Variants in ROBO2 observed in about 807,000 individuals in gnomAD.
ROBO2 encodes the protein roundabout guidance receptor 2.
ROBO2 carries 53 observed loss-of-function variants against 160.8 expected under a neutral mutation model. The observed-to-expected ratio is 0.33, with a 90% CI of 0.26 to 0.41. ROBO2 has a LOEUF of 0.41. ROBO2 is among the 10% of genes least tolerant of loss of function. ROBO2 has a pLI of 1.00. For missense variants in ROBO2, 1,577 were observed against 1,722.4 expected (o/e 0.92, Z 1.49); for synonymous variants, 664 against 611.7 (o/e 1.09, Z -1.26).
chr3:77,059,624 A>C (rs910592927), intron 1 of ROBO2, among the ~76,000 whole-genome samples: 2 of 152,102 alleles, frequency 1.3e-5, no homozygotes, highest in Non-Finnish European at 2.9e-5. Context: ...TTGATGTGGG[A>C]ATTTAAATTG....
At chr3:76,384,973 C>A (rs183152270) in intron 2 of ROBO2, among the ~76,000 whole-genome samples, 3 of 152,110 alleles carry the variant, frequency 2.0e-5, no homozygotes, top group Non-Finnish European at 4.4e-5. Context: ...TTATTTTGTC[C>A]GCAAAGTGTC....
rs950644255 is a variant in ROBO2, at chr3:76,695,919, A to AT, written c.110-402088dup. 7.2e-5 allele frequency among the ~76,000 whole-genome samples: 11 copies of AT among 152,144 alleles called. 1 individual carries two copies. The highest frequency in any genetic ancestry group is 1.6e-4 in the Non-Finnish European group (11 of 68,012). On this transcript the variant is annotated intron_variant, in intron 2 of 26. Coordinates refer to the ROBO2 transcript ENST00000487694. ...GCAGTAGTGCACATTTGATTTGATG[A>AT]TTTTTTTAAAAATACCTTCATGCTT...
chr3:76,567,374 C>T (rs201006333), intron 2 of ROBO2, among the ~76,000 whole-genome samples: 1 of 151,672 alleles, frequency 6.6e-6, no homozygotes, highest in Non-Finnish European at 1.5e-5. Flanking sequence ...CGTTTAATAC[C>T]CTGCCAGTGC....
intron 2 of ROBO2, among the ~76,000 whole-genome samples, chr3:77,462,277 C>T (rs913226571): frequency 3.9e-5 from 6 of 152,066 alleles, no homozygotes; most frequent in African/African-American, 4.8e-5. Flanking sequence ...AGGTTGTCAT[C>T]GAATTCGTCT....
intron 2 of ROBO2, among the ~76,000 whole-genome samples, chr3:76,222,191 G>A (rs564014656): frequency 1.3e-5 from 2 of 152,224 alleles, no homozygotes; most frequent in South Asian, 2.1e-4. Flanking sequence ...ACCAAAACAC[G>A]TTACCAGTGG....
intron 2 of ROBO2, among the ~76,000 whole-genome samples, chr3:76,698,564 C>T (rs914874885): frequency 6.6e-6 from 1 of 152,126 alleles, no homozygotes; most frequent in Non-Finnish European, 1.5e-5. Context: ...CTCCAGCACA[C>T]TTGGAGTAAT....
At chr3:75,919,089 GGA>G (rs1482017028) in intron 1 of ROBO2, among the ~76,000 whole-genome samples, 1 of 152,016 alleles carries the variant, frequency 6.6e-6, no homozygotes, top group Non-Finnish European at 1.5e-5. Flanking sequence ...GTAAGAGTGG[GGA>G]GAGAGGTCAT....
rs566349776 is a variant in ROBO2, at chr3:76,672,729, C to T, written c.110-425285C>T. Among the ~76,000 whole-genome samples, 13 of 152,164 alleles carry T rather than the reference C, an allele frequency of 8.5e-5. No individual in the cohort carries two copies. The South Asian group carries it at 1.9e-3, about 22-fold the overall frequency. On this transcript the variant is annotated intron_variant, in intron 2 of 26. Coordinates refer to the ROBO2 transcript ENST00000487694. ...CTTCAGTCACCAGTGTGCCCATCTCCGTGGCCATGAACAGTAAGCAGGTTA... is the reference window on the plus strand; with the variant it reads ...CTTCAGTCACCAGTGTGCCCATCTCTGTGGCCATGAACAGTAAGCAGGTTA...
chr3:76,458,039 A>G (rs1460553850), intron 2 of ROBO2, among the ~76,000 whole-genome samples: 2 of 152,052 alleles, frequency 1.3e-5, no homozygotes, highest in African/African-American at 4.8e-5. Flanking sequence ...GCCTGGAGAT[A>G]TTTTCACCAT....
intron 2 of ROBO2, among the ~76,000 whole-genome samples, chr3:77,380,642 C>CT (rs535184317): frequency 6.6e-6 from 1 of 151,846 alleles, no homozygotes; most frequent in Non-Finnish European, 1.5e-5. Context: ...AGTGCACCTT[C>CT]TTTTTTTCTC....
At chr3:76,451,272 A>G (rs1370371627) in intron 2 of ROBO2, among the ~76,000 whole-genome samples, 3 of 152,166 alleles carry the variant, frequency 2.0e-5, no homozygotes, top group Non-Finnish European at 4.4e-5. Flanking sequence ...AATGCTAGCA[A>G]TGCCTACTTA....
At chr3:76,517,395 G>T (rs940492643) in intron 2 of ROBO2, among the ~76,000 whole-genome samples, 10 of 152,168 alleles carry the variant, frequency 6.6e-5, no homozygotes, top group African/African-American at 2.4e-4. Context: ...GGCTTTGCAT[G>T]CATCTTAATT....
chr3:76,189,787 T>G (rs6805107), intron 2 of ROBO2, among the ~76,000 whole-genome samples: 2 of 152,016 alleles, frequency 1.3e-5, no homozygotes, highest in East Asian at 3.9e-4. Flanking sequence ...TGCTAAGGTT[T>G]TAAACACATT....
Position 77,216,434 on chromosome 3 carries a change from A to G in ROBO2, c.388+118094A>G, listed in dbSNP as rs866525601. ...ACTAAGACCATTGGAAAAATGCAGT[A>G]TTAGGGTGGGAGTGACCCAATTTTC... On this transcript the variant is annotated intron_variant, in intron 2 of 25. Transcript: ENST00000461745. 9.2e-5 allele frequency among the ~76,000 whole-genome samples: 14 copies of G among 152,210 alleles called. 1 individual carries two copies. The South Asian group carries it at 2.7e-3, about 29-fold the overall frequency.
intron 2 of ROBO2, among the ~76,000 whole-genome samples, chr3:76,885,847 A>G (rs1413835978): frequency 1.3e-5 from 2 of 152,062 alleles, no homozygotes; most frequent in Admixed American, 1.3e-4. Flanking sequence ...TGCCTCCTTC[A>G]TGTTTTCCTC....
intron 2 of ROBO2, among the ~76,000 whole-genome samples, chr3:77,424,880 T>G (rs1188880784): frequency 1.3e-5 from 2 of 152,200 alleles, no homozygotes; most frequent in Non-Finnish European, 2.9e-5. Flanking sequence ...CAGTATGACA[T>G]CTACAGGTTA....
intron 2 of ROBO2, among the ~76,000 whole-genome samples, chr3:76,792,614 T>A (rs901137298): frequency 7.3e-5 from 11 of 149,776 alleles, no homozygotes; most frequent in Middle Eastern, 3.4e-3. Flanking sequence ...AGTTTGAAAA[T>A]TTTTTTTTTG....
intron 1 of ROBO2, among the ~76,000 whole-genome samples, chr3:77,068,275 CAAAA>C (rs1265458338): frequency 2.0e-5 from 3 of 151,894 alleles, no homozygotes. Flanking sequence ...ATTTTTGTGA[CAAAA>C]GAAAGCTTTA....
chr3:76,969,825 G>C (rs1265995771), intron 2 of ROBO2, among the ~76,000 whole-genome samples: 1 of 152,120 alleles, frequency 6.6e-6, no homozygotes, highest in Non-Finnish European at 1.5e-5. Flanking sequence ...GTTAGTGTAT[G>C]TGTGTGTTAG....
Sources: gnomAD v4.1 joint callset for allele counts (sites outside exome capture counted in the v4.1 genomes callset) on GRCh38, gnomAD v4.1.1 for gene constraint, MANE v1.5 for transcripts, NCBI Gene and HGNC (gene_info 2026-07-23, HGNC 2026-07-21) for gene names.